FER: variants seen among roughly 807,000 people sequenced by gnomAD.
FER encodes the protein tyrosine-protein kinase Fer.
In FER, 63 loss-of-function variants were observed where a neutral mutation model predicts 111.0. The observed-to-expected ratio is 0.57, with a 90% CI of 0.46 to 0.70. The LOEUF (loss-of-function observed/expected upper bound fraction) is 0.70, where lower values mean the gene tolerates loss of function less well. Ranked by LOEUF, FER falls within the 30% of genes least tolerant of loss-of-function variation. The pLI is 0.00. For missense variants in FER, 914 were observed against 954.0 expected (o/e 0.96, Z 0.55); for synonymous variants, 327 against 313.9 (o/e 1.04, Z -0.44).
intron 16 of FER, among the ~76,000 whole-genome samples, chr5:109,077,371 CA>C (rs1195671773): frequency 6.6e-6 from 1 of 151,904 alleles, no homozygotes; most frequent in African/African-American, 2.4e-5. Flanking sequence ...GACAATTAAC[CA>C]AAAAGCCTTT....
chr5:109,137,990 A>G (rs889208942), intron 17 of FER, among the ~76,000 whole-genome samples: 3 of 152,168 alleles, frequency 2.0e-5, no homozygotes, highest in African/African-American at 4.8e-5. Context: ...TCTTTAACTA[A>G]TGCACTGGTT....
At chr5:109,090,512 G>A (rs191392345) in intron 16 of FER, among the ~76,000 whole-genome samples, 2 of 152,082 alleles carry the variant, frequency 1.3e-5, no homozygotes, top group Middle Eastern at 3.4e-3. Flanking sequence ...CAAAGAAACA[G>A]GGATTTATTA....
chr5:108,892,265 A>T (rs901292151), intron 9 of FER, among the ~76,000 whole-genome samples: 18 of 152,202 alleles, frequency 1.2e-4, no homozygotes, highest in Non-Finnish European at 2.2e-4. Context: ...CAGTTGAACT[A>T]GTTTACCGTC....
chr5:108,818,376 G>C (rs570732742), intron 3 of FER: 1 of 152,202 alleles, frequency 6.6e-6, no homozygotes, highest in Admixed American at 6.5e-5. Flanking sequence ...GGAAGTCAAG[G>C]CTTCTGTGAG....
chr5:108,752,740 G>C (rs1034105390), intron 1 of FER, among the ~76,000 whole-genome samples: 14 of 151,844 alleles, frequency 9.2e-5, no homozygotes, highest in African/African-American at 3.4e-4. Flanking sequence ...CATTTTTGGA[G>C]GATATTACAT....
chr5:109,146,257 T>TTA (rs1754152575), intron 17 of FER, among the ~76,000 whole-genome samples: 1 of 63,744 alleles, frequency 1.6e-5, no homozygotes, highest in Non-Finnish European at 3.1e-5. Flanking sequence ...CTATCTAATA[T>TTA]ATATATATAT....
chr5:108,815,910 A>G (rs1317482808), intron 3 of FER, among the ~76,000 whole-genome samples: 5 of 152,182 alleles, frequency 3.3e-5, no homozygotes, highest in Non-Finnish European at 7.3e-5. Context: ...CACTTCTGCT[A>G]TACCACCGGA....
At chr5:109,017,937 A>T (rs1373918328) in intron 13 of FER, among the ~76,000 whole-genome samples, 1 of 151,918 alleles carries the variant, frequency 6.6e-6, no homozygotes, top group South Asian at 2.1e-4. Context: ...GGACTTCTAT[A>T]GTAACAAACC....
chr5:108,972,271 G>C (rs1043438519), intron 13 of FER, among the ~76,000 whole-genome samples: 16 of 151,998 alleles, frequency 1.1e-4, no homozygotes, highest in Admixed American at 8.5e-4. Flanking sequence ...AGCAGTAGGA[G>C]TGTGACAGAG....
chr5:108,953,176 A>G (rs937808053), intron 11 of FER, among the ~76,000 whole-genome samples: 2 of 151,970 alleles, frequency 1.3e-5, no homozygotes, highest in Non-Finnish European at 2.9e-5. Context: ...ATCAGTATAT[A>G]CAAAAAGTTA....
intron 10 of FER, among the ~76,000 whole-genome samples, chr5:108,923,057 A>G (rs1753243448): frequency 1.3e-5 from 2 of 152,178 alleles, no homozygotes; most frequent in South Asian, 4.1e-4. Flanking sequence ...TCATCTGTAA[A>G]CTAGGGTTTG....
intron 17 of FER, among the ~76,000 whole-genome samples, chr5:109,109,737 T>A (rs1749372712): frequency 6.6e-6 from 1 of 152,126 alleles, no homozygotes; most frequent in Non-Finnish European, 1.5e-5. Flanking sequence ...TACAGAAATG[T>A]TCCAGAAAAA....
At chr5:109,065,597 C>T (rs1333326295) in intron 16 of FER, among the ~76,000 whole-genome samples, 13 of 152,122 alleles carry the variant, frequency 8.5e-5, no homozygotes, top group Admixed American at 3.9e-4. Flanking sequence ...TGGCTCATCC[C>T]GTAATCCTAG....
chr5:109,065,171 A>G (rs1237966339), intron 16 of FER, among the ~76,000 whole-genome samples: 1 of 152,166 alleles, frequency 6.6e-6, no homozygotes, highest in Non-Finnish European at 1.5e-5. Context: ...TGAAATTTTC[A>G]TTTTATCAGA....
In FER at chr5:109,043,079, A is replaced by G. The variant is rs373726947; in HGVS notation, c.1714-1601A>G. Among the ~76,000 whole-genome samples the G allele has an allele frequency of 8.1e-4, 124 of 152,342 alleles. 1 individual carries two copies. Among genetic ancestry groups the G allele is most frequent in the African/African-American group, 2.8e-3 (118 of 41,592 alleles). On this transcript the variant is annotated intron_variant, in intron 14 of 19. Coordinates refer to ENST00000281092, the MANE Select transcript of FER (RefSeq NM_005246.4). ...ATCAGGGTAACCTTTCTGAGATGCA[A>G]GGAATAAGACAAAAAGTATTATGGA... is the stretch of plus-strand genomic sequence containing the variant.
intron 10 of FER, among the ~76,000 whole-genome samples, chr5:108,929,913 A>G (rs1330695364): frequency 2.0e-5 from 3 of 152,190 alleles, no homozygotes; most frequent in Admixed American, 6.5e-5. Flanking sequence ...GTTTTTGAAG[A>G]TAATCTTTTT....
intron 17 of FER, among the ~76,000 whole-genome samples, chr5:109,116,844 C>T (rs1750314418): frequency 6.6e-6 from 1 of 152,112 alleles, no homozygotes; most frequent in African/African-American, 2.4e-5. Flanking sequence ...TGAAAATTAT[C>T]AGCAGTTCAG....
At chr5:108,999,962 G>C (rs936217844) in intron 13 of FER, among the ~76,000 whole-genome samples, 46 of 152,150 alleles carry the variant, frequency 3.0e-4, no homozygotes, top group Non-Finnish European at 5.4e-4. Context: ...TAGTACAGCT[G>C]ATTTGGGGCA....
intron 13 of FER, among the ~76,000 whole-genome samples, chr5:108,992,542 C>T (rs1395085451): frequency 2.0e-5 from 3 of 150,272 alleles, no homozygotes; most frequent in Admixed American, 6.6e-5. Flanking sequence ...GGCAGCTGGC[C>T]GGGCAGAGGG....
Sources: gnomAD v4.1 joint callset for allele counts (sites outside exome capture counted in the v4.1 genomes callset) on GRCh38, gnomAD v4.1.1 for gene constraint, MANE v1.5 for transcripts, NCBI Gene and HGNC (gene_info 2026-07-23, HGNC 2026-07-21) for gene names.